The following IKZF4 variants were observed in gnomAD, a reference collection of about 807,000 sequenced individuals.
IKZF4 encodes the protein zinc finger protein Eos.
Under a neutral mutation model 47.7 loss-of-function variants are expected in IKZF4, and 11 were observed. That is an observed-to-expected ratio of 0.23 (90% CI 0.15 to 0.38). The LOEUF (loss-of-function observed/expected upper bound fraction) is 0.38. Among genes scored for constraint, IKZF4 ranks in the 10% least tolerant of loss-of-function variants. The pLI is 1.00. For missense variants in IKZF4, 557 were observed against 784.9 expected, an observed-to-expected ratio of 0.71 and a Z score of 3.47; for synonymous variants, 298 against 299.4, an observed-to-expected ratio of 1.00 and a Z score of 0.05.
chr12:56,034,676 G>A lies in IKZF4; in HGVS notation c.1103G>A (p.Gly368Asp), dbSNP rs781536246. ...ELVAHHSLEP[G>D]FGSSLAFVGA... ...GTGGCACACCACAGCCTAGAGCCTG[G>A]CTTTGGAAGTTCCCTGGCCTTTGTG... Residue 368 changes from glycine to aspartate, a missense_variant, in exon 8 of 8, where the codon GGC (glycine) becomes GAC (aspartate). Physicochemically the swap from Gly to Asp is moderately conservative, Grantham distance 94. This residue lies in a region of IKZF4 where 280 missense variants were observed against 314.0 expected (regional missense o/e 0.89). Coordinates refer to ENST00000547167, the MANE Select transcript of IKZF4 (RefSeq NM_022465.4). The A allele has an allele frequency of 1.2e-6, 2 of 1,614,056 alleles. No homozygotes were observed. The highest frequency in any genetic ancestry group is 1.1e-5 in the South Asian group (1 of 91,088).
At chr12:56,031,883 C>A (rs1374484102) in intron 5 of IKZF4, among the ~76,000 whole-genome samples, 3 of 152,054 alleles carry the variant, frequency 2.0e-5, no homozygotes, top group Admixed American at 6.6e-5. Context: ...TTCTTTTATT[C>A]TTTTTCTCTT....
chr12:56,011,162 C>T (rs1379137438), intron 1 of IKZF4: 2 of 46,144 alleles, frequency 4.3e-5, no homozygotes, highest in East Asian at 1.3e-3. Flanking sequence ...TTTCCCTGCT[C>T]TACTTTCTCC....
At chr12:56,017,223 T>TCCCCC (rs143740090), upstream of IKZF4, among the ~76,000 whole-genome samples, 8 of 122,426 alleles carry the variant, frequency 6.5e-5, no homozygotes, top group East Asian at 2.5e-4. Flanking sequence ...AAATTCAGAC[T>TCCCCC]CCCCCCCCGC....
upstream of IKZF4, among the ~76,000 whole-genome samples, chr12:56,018,533 C>T (rs1892435288): frequency 2.0e-5 from 3 of 151,974 alleles, no homozygotes; most frequent in South Asian, 2.1e-4. Flanking sequence ...CCAGATAGAG[C>T]GGCACAAGGT....
chr12:56,031,811 A>G (rs762619316), intron 5 of IKZF4, among the ~76,000 whole-genome samples: 4 of 152,230 alleles, frequency 2.6e-5, no homozygotes, highest in Non-Finnish European at 5.9e-5. Flanking sequence ...TTACAAGCAC[A>G]TAAACAAACA....
At chr12:56,020,664 C>G (rs1892738142), upstream of IKZF4, among the ~76,000 whole-genome samples, 1 of 152,136 alleles carries the variant, frequency 6.6e-6, no homozygotes, top group Non-Finnish European at 1.5e-5. Flanking sequence ...CTTTCGGCTG[C>G]TGGGGCCCCA....
chr12:56,033,293 C>G lies in IKZF4; in HGVS notation c.969C>G (p.Arg323=), dbSNP rs1253272600. The G allele has an allele frequency of 3.1e-6, 5 of 1,613,908 alleles. No individual in the cohort carries two copies. Among genetic ancestry groups the G allele is most frequent in the Non-Finnish European group, 4.2e-6 (5 of 1,179,898 alleles). ...IDRLANSLTK[R]KRSTPQKFVG... ...GTCTGGCCAATAGCCTCACCAAACGCAAGCGTTCCACACCCCAGAAGTTTG... is the reference window on the plus strand; with the variant it reads ...GTCTGGCCAATAGCCTCACCAAACGGAAGCGTTCCACACCCCAGAAGTTTG... Residue 323 remains arginine, a synonymous_variant, in exon 7 of 8, where the codon CGC becomes CGG. Coordinates refer to ENST00000547167, the MANE Select transcript of IKZF4 (RefSeq NM_022465.4).
At chr12:56,022,000 C>T in intron 1 of IKZF4, 1 of 201,908 alleles carries the variant, frequency 5.0e-6, no homozygotes, top group East Asian at 1.4e-4. Context: ...AGCTTCCTCC[C>T]CACAAAAGAG....
rs761140937 is a variant in IKZF4 at position 56,026,987 on chromosome 12, G to A, written c.493G>A (p.Gly165Ser). The A allele has an allele frequency of 1.9e-6, 3 of 1,607,908 alleles. No homozygotes were observed. The highest frequency in any genetic ancestry group is 2.5e-6 in the Non-Finnish European group (3 of 1,176,910). The change falls in exon 4 of 8, where the codon GGC (glycine) becomes AGC (serine). Residue 165 changes from glycine (G) to serine (S), a missense_variant. By Grantham distance (56) the Gly-to-Ser change is moderately conservative (BLOSUM62 0). Transcript: ENST00000547167. ...PNGKLKCDVCGMVCIGPNVLM... is the reference protein window; with the variant it reads ...PNGKLKCDVCSMVCIGPNVLM... ...TGGCAAGCTCAAGTGTGACGTCTGC[G>A]GCATGGTCTGTATTGGACCCAACGT...
chr12:56,036,202 C>A lies in IKZF4; in HGVS notation c.*871C>A, dbSNP rs1300233021. 6.6e-6 allele frequency: 1 copy of A among 152,600 alleles called. No individual in the cohort carries two copies. Among genetic ancestry groups the A allele is most frequent in the East Asian group, 1.9e-4 (1 of 5,202 alleles). The allele number at this position is 152,600 out of a possible 1,614,324, so 9.5% of individuals were successfully genotyped here. On this transcript the variant is annotated 3_prime_UTR_variant, in exon 8 of 8. Coordinates refer to ENST00000547167, the MANE Select transcript of IKZF4 (RefSeq NM_022465.4). The stretch of plus-strand genomic sequence containing the variant: ...CCTTGGAGTGCCCCAATTTTATATT[C>A]TCAGGGGCCAAGGCTAGGTCTGCAA...
In IKZF4 at chr12:56,025,048, T is replaced by G. The variant is rs761643413; in HGVS notation, c.182-6T>G. ...CTTTACCTGCCCTCTTGTTCTCTCC[T>G]CCAAGGTAGCGGGGACTCATCTCTG... On this transcript the variant is annotated splice_polypyrimidine_tract_variant and splice_region_variant and intron_variant, in intron 2 of 7. Coordinates refer to ENST00000547167, the MANE Select transcript of IKZF4 (RefSeq NM_022465.4). 6.3e-7 allele frequency: 1 copy of G among 1,574,950 alleles called. No homozygotes were observed. The highest frequency in any genetic ancestry group is 1.9e-5 in the Admixed American group (1 of 54,004).
exon 1 of IKZF4, chr12:56,007,691 C>A (rs1295561578): frequency 6.6e-6 from 1 of 152,380 alleles, no homozygotes; most frequent in African/African-American, 2.4e-5. Context: ...ACTGTCCCCT[C>A]TCCCCAACCC....
intron 1 of IKZF4, 108 bp downstream of exon 1, chr12:56,021,688 C>CTGTG (rs67296911): frequency 0.11 from 72,405 of 649,656 alleles, 2,266 homozygotes; most frequent in African/African-American, 0.18. Context: ...AGGATGGGGG[C>CTGTG]TGTGTGTGTG....
chr12:56,025,190 T>C (rs1005765504), intron 3 of IKZF4, 32 bp downstream of exon 3: 14 of 1,509,156 alleles, frequency 9.3e-6, no homozygotes, highest in Non-Finnish European at 1.2e-5. Flanking sequence ...CTCCTGGCAG[T>C]AGGCACCCCC....
chr12:56,015,845 T>C (rs963343201), intron 2 of IKZF4, among the ~76,000 whole-genome samples: 3 of 152,194 alleles, frequency 2.0e-5, no homozygotes, highest in African/African-American at 7.2e-5. Context: ...GTCTGAGTTC[T>C]CTAACAACTG....
chr12:56,018,677 C>T (rs114333867), upstream of IKZF4, among the ~76,000 whole-genome samples: 379 of 150,986 alleles, frequency 2.5e-3, 2 homozygotes, highest in African/African-American at 8.5e-3. Flanking sequence ...GGGACAGCAG[C>T]TTTCAGTGTC....
intron 7 of IKZF4, among the ~76,000 whole-genome samples, chr12:56,033,631 T>C (rs1701694): frequency 0.94 from 142,862 of 152,064 alleles, 67,760 homozygotes; most frequent in East Asian, 1. Context: ...GGTGTGAACC[T>C]GGGAGGCGGA....
At chr12:56,027,436 C>A (rs1264924096) in intron 4 of IKZF4, among the ~76,000 whole-genome samples, 1 of 149,108 alleles carries the variant, frequency 6.7e-6, no homozygotes, top group Non-Finnish European at 1.5e-5. Context: ...ACAACAACAA[C>A]AAAACAGAAA....
Position 56,026,989 on chromosome 12 carries a change from C to T in IKZF4, c.495C>T (p.Gly165=), listed in dbSNP as rs540352475. The T allele has an allele frequency of 2.6e-5, 41 of 1,607,660 alleles. No homozygotes were observed. In the South Asian group the frequency reaches 4.1e-4, roughly 16 times the overall value. Residue 165 remains glycine (G), a synonymous_variant, in exon 4 of 8, where the codon GGC becomes GGT. Coordinates refer to ENST00000547167, the MANE Select transcript of IKZF4 (RefSeq NM_022465.4). The stretch of plus-strand genomic sequence containing the variant: ...GCAAGCTCAAGTGTGACGTCTGCGG[C>T]ATGGTCTGTATTGGACCCAACGTGC... ...PNGKLKCDVC[G]MVCIGPNVLM... is the part of the protein sequence containing the mutation.
Sources: allele counts gnomAD v4.1 joint callset (sites outside exome capture counted in the v4.1 genomes callset), GRCh38; gene constraint gnomAD v4.1.1; regional missense constraint gnomAD v4.1.1; transcripts MANE v1.5; gene names NCBI Gene and HGNC (gene_info 2026-07-23, HGNC 2026-07-21).